Variants in MAML2 observed in about 807,000 individuals in gnomAD.
MAML2 encodes mastermind-like protein 2.
MAML2 carries 22 observed loss-of-function variants against 96.1 expected under a neutral mutation model. The observed-to-expected ratio is 0.23, with a 90% CI of 0.16 to 0.33. The LOEUF is 0.33. Among genes scored for constraint, MAML2 ranks in the 10% least tolerant of loss-of-function variants. MAML2 has a pLI of 1.00. For missense variants in MAML2, 1,367 were observed against 1,392.4 expected (o/e 0.98, Z 0.29); for synonymous variants, 561 against 521.3 (o/e 1.08, Z -1.04).
At chr11:96,081,159 G>A (rs1194276619) in intron 2 of MAML2, among the ~76,000 whole-genome samples, 3 of 152,108 alleles carry the variant, frequency 2.0e-5, no homozygotes, top group Non-Finnish European at 4.4e-5. Flanking sequence ...TGAAAGACGT[G>A]TTCTTGCTAA....
At chr11:96,206,301 T>C (rs1487000534) in intron 1 of MAML2, among the ~76,000 whole-genome samples, 2 of 152,172 alleles carry the variant, frequency 1.3e-5, no homozygotes, top group African/African-American at 2.4e-5. Context: ...TGCAGAGATA[T>C]TGAAATTGCC....
intron 1 of MAML2, among the ~76,000 whole-genome samples, chr11:96,126,979 C>T (rs938095785): frequency 1.3e-5 from 2 of 152,132 alleles, no homozygotes; most frequent in Non-Finnish European, 2.9e-5. Flanking sequence ...AGGTGCGGTT[C>T]CTACAGGCTG....
chr11:96,068,825 T>A (rs1460342249), intron 2 of MAML2, among the ~76,000 whole-genome samples: 17 of 146,560 alleles, frequency 1.2e-4, no homozygotes, highest in Admixed American at 4.0e-4. Context: ...GCAAGACTCC[T>A]TCTCAAAAAA....
At chr11:96,118,562 A>C (rs928926960) in intron 1 of MAML2, among the ~76,000 whole-genome samples, 1 of 103,402 alleles carries the variant, frequency 9.7e-6, no homozygotes. Flanking sequence ...TGTTTATAGC[A>C]GTGTGAAAAT....
At chr11:96,073,326 T>C (rs12292540) in intron 2 of MAML2, among the ~76,000 whole-genome samples, 1,955 of 66,788 alleles carry the variant, frequency 0.029, 18 homozygotes, top group South Asian at 0.067. Flanking sequence ...CTTTTCTTTT[T>C]TTTTTTTTTT....
In MAML2 at chr11:96,215,360, G is replaced by C. The variant is rs540951238; in HGVS notation, c.514-121843C>G. Among the ~76,000 whole-genome samples the C allele has an allele frequency of 9.8e-5, 15 of 152,298 alleles. No homozygotes were observed. In the East Asian group the frequency reaches 2.1e-3, roughly 22 times the overall value. On this transcript the variant is annotated intron_variant, in intron 1 of 4. Coordinates refer to ENST00000524717, the MANE Select transcript of MAML2 (RefSeq NM_032427.4). The stretch of plus-strand genomic sequence containing the variant: ...AGGCCTCACGACCTCTTTAACACCA[G>C]CATATAACACAGAAGATTTCAGATC...
rs561352546 is a variant in MAML2 at position 96,013,463 on chromosome 11, C to A, written c.2140-21740G>T. On this transcript the variant is annotated intron_variant, in intron 2 of 4. Transcript: ENST00000524717. ...TTTAAATGACATGGAATGGGGGAAG[C>A]AAAGTACTGGGTAGAGAAAGGCAGG... Among the ~76,000 whole-genome samples, 461 of 152,114 alleles carry A rather than the reference C, an allele frequency of 3.0e-3. 1 individual carries two copies. Among genetic ancestry groups the A allele is most frequent in the African/African-American group, 0.01 (435 of 41,480 alleles).
rs186688984 is a variant in MAML2 at position 96,059,784 on chromosome 11, C to T, written c.2139+32108G>A. On this transcript the variant is annotated intron_variant, in intron 2 of 4. Coordinates refer to ENST00000524717, the MANE Select transcript of MAML2 (RefSeq NM_032427.4). ...GATTTTTGGATTAGGGATACTCAACCTGCATTTCAAAAATGTTTATTGGGA... is the reference window on the plus strand; with the variant it reads ...GATTTTTGGATTAGGGATACTCAACTTGCATTTCAAAAATGTTTATTGGGA... Among the ~76,000 whole-genome samples the T allele has an allele frequency of 8.5e-5, 13 of 152,196 alleles. No individual in the cohort carries two copies. In the East Asian group the frequency reaches 2.5e-3, roughly 29 times the overall value.
intron 2 of MAML2, among the ~76,000 whole-genome samples, chr11:96,023,686 C>T (rs1565192211): frequency 6.6e-6 from 1 of 152,146 alleles, no homozygotes; most frequent in African/African-American, 2.4e-5. Flanking sequence ...TGAGGGTGGC[C>T]ATTGATCACA....
At chr11:96,150,719 G>C (rs1466546686) in intron 1 of MAML2, among the ~76,000 whole-genome samples, 1 of 152,162 alleles carries the variant, frequency 6.6e-6, no homozygotes, top group Non-Finnish European at 1.5e-5. Context: ...ACTGCCACCA[G>C]ATAGTCCTCG....
chr11:96,146,318 A>G (rs1321487344), intron 1 of MAML2, among the ~76,000 whole-genome samples: 1 of 152,208 alleles, frequency 6.6e-6, no homozygotes, highest in Non-Finnish European at 1.5e-5. Context: ...TTTTGACAAG[A>G]GAAAATGAGA....
At chr11:96,234,114 A>G (rs2135956748) in intron 1 of MAML2, among the ~76,000 whole-genome samples, 1 of 152,332 alleles carries the variant, frequency 6.6e-6, no homozygotes, top group South Asian at 2.1e-4. Flanking sequence ...AGAACCCTGT[A>G]TGTGTGCCCA....
rs566752763 is a variant in MAML2 at position 96,168,870 on chromosome 11, G to A, written c.514-75353C>T. On this transcript the variant is annotated intron_variant, in intron 1 of 4. Transcript: ENST00000524717. ...TGGCTGGTGTGGGGATTTGAGAAACGTTTCTGTGTAATCCACTTGGGTTAT... is the reference window on the plus strand; with the variant it reads ...TGGCTGGTGTGGGGATTTGAGAAACATTTCTGTGTAATCCACTTGGGTTAT... 2.6e-5 allele frequency among the ~76,000 whole-genome samples: 4 copies of A among 152,294 alleles called. No individual in the cohort carries two copies. In the South Asian group the frequency reaches 6.2e-4, roughly 24 times the overall value.
At chr11:96,102,005 G>A (rs1237221304) in intron 1 of MAML2, among the ~76,000 whole-genome samples, 2 of 152,208 alleles carry the variant, frequency 1.3e-5, no homozygotes, top group Non-Finnish European at 2.9e-5. Context: ...AGCCAGGCAT[G>A]GTGGCTCATG....
intron 1 of MAML2, among the ~76,000 whole-genome samples, chr11:96,326,358 CGT>C (rs35138919): frequency 0.47 from 68,981 of 147,286 alleles, 15,721 homozygotes; most frequent in African/African-American, 0.53. Flanking sequence ...CACACTAAAG[CGT>C]GTGTGTGTGT....
At chr11:96,183,991 C>T (rs776244036) in intron 1 of MAML2, among the ~76,000 whole-genome samples, 2 of 152,098 alleles carry the variant, frequency 1.3e-5, no homozygotes, top group Admixed American at 6.5e-5. Context: ...GGAAAAGCTA[C>T]CTCAAATATG....
At chr11:96,187,792 CAAAA>C (rs5793787) in intron 1 of MAML2, among the ~76,000 whole-genome samples, 1 of 128,582 alleles carries the variant, frequency 7.8e-6, no homozygotes, top group Non-Finnish European at 1.7e-5. Flanking sequence ...AACTCTGTCT[CAAAA>C]AAAAAAAAAA....
intron 1 of MAML2, 55 bp downstream of exon 1, chr11:96,341,328 C>A (rs1421365763): frequency 3.4e-6 from 5 of 1,469,482 alleles, no homozygotes; most frequent in East Asian, 2.5e-5. Flanking sequence ...CAAACTCTAC[C>A]CTCACAAAAG....
chr11:96,191,623 T>A (rs1275726936), intron 1 of MAML2, among the ~76,000 whole-genome samples: 1 of 151,540 alleles, frequency 6.6e-6, no homozygotes, highest in Non-Finnish European at 1.5e-5. Context: ...ATATAAAAAA[T>A]TAGCCGGGCA....
Sources: gnomAD v4.1 joint callset for allele counts (sites outside exome capture counted in the v4.1 genomes callset) on GRCh38, gnomAD v4.1.1 for gene constraint, MANE v1.5 for transcripts, NCBI Gene and HGNC (gene_info 2026-07-23, HGNC 2026-07-21) for gene names.